KANSL1: variants seen among roughly 807,000 people sequenced by gnomAD.
The protein encoded by KANSL1 is KAT8 regulatory NSL complex subunit 1.
Under a neutral mutation model 103.6 loss-of-function variants are expected in KANSL1, and 22 were observed. The observed-to-expected ratio is 0.21, with a 90% CI of 0.15 to 0.30. The LOEUF is 0.30. KANSL1 is among the 10% of genes least tolerant of loss of function. KANSL1 has a pLI of 1.00. For missense variants in KANSL1, 1,337 were observed against 1,399.8 expected (o/e 0.96, Z 0.72); for synonymous variants, 600 against 527.6 (o/e 1.14, Z -1.88).
At chr17:46,184,927 C>T (rs1042798744) in intron 1 of KANSL1, among the ~76,000 whole-genome samples, 3 of 151,582 alleles carry the variant, frequency 2.0e-5, no homozygotes, top group Admixed American at 2.0e-4. Flanking sequence ...GCAACCTCCA[C>T]CTCCTGAGTT....
intron 2 of KANSL1, among the ~76,000 whole-genome samples, chr17:46,130,578 C>A (rs1401657211): frequency 2.0e-5 from 3 of 152,180 alleles, no homozygotes; most frequent in Non-Finnish European, 4.4e-5. Flanking sequence ...AAACAAGAAA[C>A]CTTGATTAAC....
At position 46,096,311 on chromosome 17, in the gene KANSL1, C is replaced by CTTTCTTTCTTTCTTTTTTTTTT. The variant is rs753073992; in HGVS notation, c.1290-1611_1290-1610insAAAAAAAAAAGAAAGAAAGAAA. On this transcript the variant is annotated intron_variant, in intron 2 of 14. Coordinates refer to ENST00000432791, the MANE Select transcript of KANSL1 (RefSeq NM_015443.4). ...CATACTACATACCTGGCTTTTTTTTCTTTTTTTTTTTTTTTTTTTTTGAGA... is the reference window on the plus strand; with the variant it reads ...CATACTACATACCTGGCTTTTTTTTCTTTCTTTCTTTCTTTTTTTTTTTTTTTTTTTTTTTTTTTTTTTGAGA... 3.2e-3 allele frequency among the ~76,000 whole-genome samples: 245 copies of CTTTCTTTCTTTCTTTTTTTTTT among 76,324 alleles called. 7 individuals are homozygous for CTTTCTTTCTTTCTTTTTTTTTT. The highest frequency in any genetic ancestry group is 5.0e-3 in the Non-Finnish European group (205 of 40,622). The allele number at this position is 76,324 out of a possible 152,430, so 50.1% of individuals were successfully genotyped here. A position where few individuals can be genotyped will look rare whatever the true frequency, so the allele number is the denominator to read the frequency against.
At chr17:46,214,727 C>A (rs993225139) in intron 1 of KANSL1, among the ~76,000 whole-genome samples, 3 of 151,750 alleles carry the variant, frequency 2.0e-5, no homozygotes, top group Non-Finnish European at 4.4e-5. Context: ...CTCAAAGAAC[C>A]TAGACACTAG....
At chr17:46,127,776 T>TC (rs2043646833) in intron 2 of KANSL1, among the ~76,000 whole-genome samples, 1 of 130,638 alleles carries the variant, frequency 7.7e-6, no homozygotes, top group Admixed American at 8.2e-5. Context: ...AGACCCTGTC[T>TC]CAAAAAAAAA....
chr17:46,197,660 T>C (rs2047658223), upstream of KANSL1, among the ~76,000 whole-genome samples: 3 of 152,326 alleles, frequency 2.0e-5, no homozygotes, highest in South Asian at 6.2e-4. Flanking sequence ...GAACCAATAA[T>C]GTACAGAGTT....
intron 2 of KANSL1, among the ~76,000 whole-genome samples, chr17:46,109,526 A>AC (rs1423917159): frequency 1.3e-5 from 2 of 151,958 alleles, no homozygotes; most frequent in Non-Finnish European, 2.9e-5. Flanking sequence ...CTCAAAAACC[A>AC]CACCCCCACC....
At chr17:46,059,125 A>G (rs1391197876) in intron 6 of KANSL1, among the ~76,000 whole-genome samples, 1 of 152,086 alleles carries the variant, frequency 6.6e-6, no homozygotes, top group Non-Finnish European at 1.5e-5. Flanking sequence ...GGATAACACT[A>G]GAGACTTGAA....
At chr17:46,052,964 C>CAAAAAAAAAAAAAAAAAAAA (rs34473927) in intron 6 of KANSL1, among the ~76,000 whole-genome samples, 1 of 33,002 alleles carries the variant, frequency 3.0e-5, no homozygotes, top group Non-Finnish European at 5.8e-5. Flanking sequence ...ATCCTGTCTC[C>CAAAAAAAAAAAAAAAAAAAA]AAAAAAAAAA....
chr17:46,179,131 T>C (rs2046662865), intron 1 of KANSL1, among the ~76,000 whole-genome samples: 1 of 152,232 alleles, frequency 6.6e-6, no homozygotes. Context: ...CTGAAAATTA[T>C]GACAATCAAA....
chr17:46,197,656 A>G (rs900601288), upstream of KANSL1, among the ~76,000 whole-genome samples: 11 of 152,346 alleles, frequency 7.2e-5, no homozygotes, highest in East Asian at 1.9e-4. Context: ...AAAAGAACCA[A>G]TAATGTACAG....
At chr17:46,202,103 A>G (rs1465707137) in intron 1 of KANSL1, among the ~76,000 whole-genome samples, 2 of 152,060 alleles carry the variant, frequency 1.3e-5, no homozygotes, top group Non-Finnish European at 2.9e-5. Flanking sequence ...ACTTGAGCCC[A>G]GGAGTTCTAG....
intron 2 of KANSL1, among the ~76,000 whole-genome samples, chr17:46,125,972 A>G (rs972890777): frequency 6.6e-6 from 1 of 152,246 alleles, no homozygotes; most frequent in African/African-American, 2.4e-5. Context: ...TGTTATTTCA[A>G]CACTATTACA....
chr17:46,075,629 C>A (rs1418032620), intron 4 of KANSL1, among the ~76,000 whole-genome samples: 2 of 151,990 alleles, frequency 1.3e-5, no homozygotes, highest in East Asian at 1.9e-4. Flanking sequence ...CCGTGCCCAG[C>A]CTAAAATCAT....
rs1207807016 is a variant in KANSL1, at chr17:46,030,964, G to C, written c.*512C>G. On this transcript the variant is annotated 3_prime_UTR_variant, in exon 15 of 15. Transcript: ENST00000432791. ...GAGCAGCTGGCAGTTATGGCAGAGA[G>C]GCTCTGGTGGGGATGTTCCAGCACG... The C allele has an allele frequency of 6.5e-6, 1 of 155,008 alleles. No homozygotes were observed. The highest frequency in any genetic ancestry group is 6.4e-5 in the Admixed American group (1 of 15,572). 9.6% of individuals were successfully genotyped at this position (155,008 alleles called of 1,614,324 possible).
Position 46,171,175 on chromosome 17 carries a change from T to C in KANSL1, c.969A>G (p.Gly323=). ...GTTTGCTCAAAGTCTTCTCCAAAAA[T>C]CCACCCAGCTGATGTTGTATATGCC... ...VERHIQHQLG[G]FLEKTLSKLP... The change falls in exon 2 of 15, where the codon GGA becomes GGG. Residue 323 remains glycine, a synonymous_variant. Transcript: ENST00000432791. 1 of 1,614,138 alleles carries C rather than the reference T, an allele frequency of 6.2e-7. No individual in the cohort carries two copies. Among genetic ancestry groups the C allele is most frequent in the South Asian group, 1.1e-5 (1 of 91,092 alleles).
At chr17:46,210,337 G>A (rs2048114895) in intron 1 of KANSL1, among the ~76,000 whole-genome samples, 1 of 152,070 alleles carries the variant, frequency 6.6e-6, no homozygotes, top group South Asian at 2.1e-4. Context: ...GCTGGGTGTG[G>A]TGGTGAGCAC....
intron 2 of KANSL1, among the ~76,000 whole-genome samples, chr17:46,122,809 G>C (rs2043339770): frequency 1.3e-5 from 2 of 152,150 alleles, no homozygotes; most frequent in Admixed American, 1.3e-4. Context: ...GTAATTTCTG[G>C]AGGTACCACG....
intron 6 of KANSL1, among the ~76,000 whole-genome samples, chr17:46,062,355 C>CAT (rs1555743656): frequency 2.1e-5 from 2 of 95,468 alleles, no homozygotes; most frequent in Non-Finnish European, 4.0e-5. Flanking sequence ...ATAACAACAG[C>CAT]TTTTTTTTTT....
At chr17:46,140,938 A>G (rs1302857873) in intron 2 of KANSL1, among the ~76,000 whole-genome samples, 1 of 152,238 alleles carries the variant, frequency 6.6e-6, no homozygotes. Flanking sequence ...ACAAAATGGT[A>G]ATATAAAATG....
Sources: gnomAD v4.1 joint callset for allele counts (sites outside exome capture counted in the v4.1 genomes callset) on GRCh38, gnomAD v4.1.1 for gene constraint, MANE v1.5 for transcripts, NCBI Gene and HGNC (gene_info 2026-07-23, HGNC 2026-07-21) for gene names.